Variants in NRXN1 observed in about 807,000 individuals in gnomAD.
NRXN1 encodes the protein neurexin 1, also known as neurexin-1.
Under a neutral mutation model 150.9 loss-of-function variants are expected in NRXN1, and 39 were observed. The ratio of observed to expected loss-of-function variants is 0.26; its 90% confidence interval spans 0.20 to 0.34. NRXN1 has a LOEUF of 0.34. NRXN1 is among the 10% of genes least tolerant of loss of function. The probability of loss-of-function intolerance (pLI) is 1.00; values close to 1 mark genes in which losing one functional copy is unlikely to be tolerated. For missense variants in NRXN1, 1,815 were observed against 1,949.9 expected (o/e 0.93, Z 1.30); for synonymous variants, 924 against 757.0 (o/e 1.22, Z -3.62).
chr2:50,909,321 G>A (rs79577363), intron 5 of NRXN1, among the ~76,000 whole-genome samples: 4,554 of 152,098 alleles, frequency 0.03, 199 homozygotes, highest in Admixed American at 0.12. Flanking sequence ...CATAAACAGC[G>A]TTTACATCAT....
chr2:50,598,838 A>T (rs892270151), intron 8 of NRXN1, among the ~76,000 whole-genome samples: 2 of 151,260 alleles, frequency 1.3e-5, no homozygotes, highest in Non-Finnish European at 2.9e-5. Flanking sequence ...GCTCACTGCA[A>T]CCTCCGCCTC....
intron 19 of NRXN1, among the ~76,000 whole-genome samples, chr2:50,071,739 T>C (rs1226133050): frequency 6.6e-6 from 1 of 152,238 alleles, no homozygotes; most frequent in East Asian, 1.9e-4. Context: ...TTTGAAATAA[T>C]ATATTGTTAG....
chr2:50,903,099 T>C (rs544084535), intron 5 of NRXN1, among the ~76,000 whole-genome samples: 7 of 152,300 alleles, frequency 4.6e-5, no homozygotes, highest in African/African-American at 1.2e-4. Context: ...AGCACCAATA[T>C]ATTATTTTTC....
At chr2:50,090,524 C>T (rs576436293) in intron 19 of NRXN1, among the ~76,000 whole-genome samples, 1 of 151,926 alleles carries the variant, frequency 6.6e-6, no homozygotes, top group African/African-American at 2.4e-5. Context: ...TATCTTTATA[C>T]TTTTAATTTA....
intron 8 of NRXN1, among the ~76,000 whole-genome samples, chr2:50,583,050 G>GTT (rs779677425): frequency 6.9e-6 from 1 of 144,558 alleles, no homozygotes. Flanking sequence ...CTCCCACCTA[G>GTT]TTTTTTTTTT....
At chr2:50,148,437 T>C (rs900072424) in intron 18 of NRXN1, among the ~76,000 whole-genome samples, 3 of 151,566 alleles carry the variant, frequency 2.0e-5, no homozygotes, top group African/African-American at 7.3e-5. Context: ...TTAATACCAT[T>C]ACACAAATAC....
intron 17 of NRXN1, among the ~76,000 whole-genome samples, chr2:50,298,391 C>T (rs1049528091): frequency 6.6e-6 from 1 of 152,098 alleles, no homozygotes; most frequent in Admixed American, 6.6e-5. Flanking sequence ...TTGATGACAG[C>T]TTTTTTCTTG....
chr2:50,954,602 T>A (rs912545295), intron 2 of NRXN1, among the ~76,000 whole-genome samples: 1 of 152,184 alleles, frequency 6.6e-6, no homozygotes, highest in Non-Finnish European at 1.5e-5. Flanking sequence ...CCAGGCAGTA[T>A]GCTGGTACGC....
intron 8 of NRXN1, among the ~76,000 whole-genome samples, chr2:50,586,165 GGGT>G (rs1673065065): frequency 6.6e-6 from 1 of 152,042 alleles, no homozygotes; most frequent in Admixed American, 6.6e-5. Context: ...TTACCCTCCA[GGGT>G]GTTTGCACTT....
chr2:50,576,575 A>C (rs1170740913), intron 8 of NRXN1, among the ~76,000 whole-genome samples: 1 of 152,080 alleles, frequency 6.6e-6, no homozygotes, highest in Non-Finnish European at 1.5e-5. Context: ...TTTACTTGTA[A>C]ATTCAATAGC....
intron 2 of NRXN1, 140 bp from the exon 3 acceptor site, chr2:50,926,095 G>A (rs1392346339): frequency 2.8e-6 from 2 of 705,914 alleles, no homozygotes; most frequent in African/African-American, 3.5e-5. Flanking sequence ...TCATTCAAGG[G>A]GGAAAACAAA....
Position 50,677,924 on chromosome 2 carries a change from T to C in NRXN1, c.833-54309A>G, listed in dbSNP as rs191205149. Among the ~76,000 whole-genome samples, 16 of 152,254 alleles carry C rather than the reference T, an allele frequency of 1.1e-4. No homozygotes were observed. The East Asian group carries it at 2.3e-3, about 22-fold the overall frequency. ...TTAAACGACATCTCAGAAATTATTT[T>C]AAAGTATGACAAATAGAAACATGTA... On this transcript the variant is annotated intron_variant, in intron 5 of 22. Coordinates refer to ENST00000401669, the MANE Select transcript of NRXN1 (RefSeq NM_001330078.2).
chr2:50,562,866 C>T (rs10192721), intron 8 of NRXN1, among the ~76,000 whole-genome samples: 61,587 of 151,528 alleles, frequency 0.41, 14,442 homozygotes, highest in African/African-American at 0.65. Flanking sequence ...TGTCACCTAA[C>T]TGTCACAGCT....
At chr2:50,563,289 A>G (rs1007908677) in intron 8 of NRXN1, among the ~76,000 whole-genome samples, 2 of 152,238 alleles carry the variant, frequency 1.3e-5, no homozygotes, top group African/African-American at 4.8e-5. Context: ...TATAACGCAT[A>G]AATGAGTTTG....
chr2:49,997,333 C>A (rs751856453), intron 21 of NRXN1, among the ~76,000 whole-genome samples: 1 of 152,040 alleles, frequency 6.6e-6, no homozygotes, highest in Non-Finnish European at 1.5e-5. Flanking sequence ...ATTATTTAAT[C>A]AGGGTATTTT....
At chr2:50,081,176 C>T (rs1308084642) in intron 19 of NRXN1, among the ~76,000 whole-genome samples, 3 of 152,180 alleles carry the variant, frequency 2.0e-5, no homozygotes, top group Non-Finnish European at 4.4e-5. Context: ...AAGCTTTATA[C>T]TCTACATAGG....
At chr2:50,454,224 G>T (rs538409681) in intron 17 of NRXN1, among the ~76,000 whole-genome samples, 2 of 152,270 alleles carry the variant, frequency 1.3e-5, no homozygotes, top group African/African-American at 4.8e-5. Flanking sequence ...TCCTTGGGAG[G>T]CTGAGGCACG....
At chr2:50,546,725 A>C (rs2093502332) in intron 9 of NRXN1, among the ~76,000 whole-genome samples, 1 of 152,200 alleles carries the variant, frequency 6.6e-6, no homozygotes, top group South Asian at 2.1e-4. Context: ...TTTAAGCAAA[A>C]TTGACCCCAT....
chr2:50,716,654 T>G (rs1227125472), intron 5 of NRXN1, among the ~76,000 whole-genome samples: 2 of 152,156 alleles, frequency 1.3e-5, no homozygotes, highest in African/African-American at 4.8e-5. Context: ...CATCTACATA[T>G]AAATATACAT....
Sources: gnomAD v4.1 joint callset for allele counts (sites outside exome capture counted in the v4.1 genomes callset) on GRCh38, gnomAD v4.1.1 for gene constraint, MANE v1.5 for transcripts, NCBI Gene and HGNC (gene_info 2026-07-23, HGNC 2026-07-21) for gene names.